The following TJAP1 variants were observed in gnomAD, a reference collection of about 807,000 sequenced individuals.
The protein encoded by TJAP1 is tight junction associated protein 1.
Under a neutral mutation model 42.0 loss-of-function variants are expected in TJAP1, and 27 were observed. The ratio of observed to expected loss-of-function variants is 0.64; its 90% CI spans 0.47 to 0.89. TJAP1 has a LOEUF of 0.89. Among genes scored for constraint, TJAP1 ranks in the 40% least tolerant of loss-of-function variants. The pLI is 0.00. For missense variants in TJAP1, 712 were observed against 726.9 expected, an observed-to-expected ratio of 0.98 and a Z score of 0.24; for synonymous variants, 257 against 288.4, an observed-to-expected ratio of 0.89 and a Z score of 1.10.
At position 43,505,440 on chromosome 6, in the gene TJAP1, A is replaced by G. The variant is rs1792108554; in HGVS notation, c.1259A>G (p.Asp420Gly). ...GTCAGCTGGCAGCGGGCATTTGTGG[A>G]CCGTACTCCACCACCTGCTGCTGTG... is the stretch of plus-strand genomic sequence containing the variant. The change falls in exon 11 of 11, where the codon GAC (aspartate) becomes GGC (glycine). Residue 420 changes from aspartate (D) to glycine (G), a missense_variant. Around this residue, in one of 3 missense-constraint regions of TJAP1, gnomAD observed 549 missense variants for 528.2 expected, o/e 1.04. Coordinates refer to ENST00000372449, the Ensembl canonical transcript of TJAP1. This position sits in a 1 kb window ranked among gnomAD's most constrained non-coding sequence, Gnocchi z 5.5. 2 of 1,613,010 alleles carry G rather than the reference A, an allele frequency of 1.2e-6. No homozygotes were observed. The highest frequency in any genetic ancestry group is 1.7e-5 in the Admixed American group (1 of 60,000).
At chr6:43,499,910 C>T (rs185405973) in intron 4 of TJAP1, among the ~76,000 whole-genome samples, 78 of 152,306 alleles carry the variant, frequency 5.1e-4, no homozygotes, top group African/African-American at 1.8e-3. Context: ...TGCTACCCAG[C>T]GAGCATTACC....
chr6:43,486,185 G>C (rs1464752110), intron 2 of TJAP1, among the ~76,000 whole-genome samples: 1 of 151,800 alleles, frequency 6.6e-6, no homozygotes, highest in Non-Finnish European at 1.5e-5. Flanking sequence ...GGCTAGTCTG[G>C]AACTCCTGAC....
At chr6:43,494,411 T>G (rs1582008811) in intron 2 of TJAP1, among the ~76,000 whole-genome samples, 2 of 152,150 alleles carry the variant, frequency 1.3e-5, no homozygotes, top group East Asian at 3.9e-4. Context: ...GCTGCTACTC[T>G]GGGTGTCTCC....
chr6:43,505,244 C>T lies in TJAP1; in HGVS notation c.1063C>T (p.Arg355Cys), dbSNP rs200438172. The T allele has an allele frequency of 2.2e-5, 36 of 1,614,058 alleles. No individual in the cohort carries two copies. Among genetic ancestry groups the T allele is most frequent in the Admixed American group, 1.3e-4 (8 of 60,026 alleles). ...CCTGCCCAACTGCACTTACGCTACC[C>T]GCCAGGCCATTTCCCTGAGCCTGGT... The change falls in exon 11 of 11, where the codon CGC (arginine) becomes TGC (cysteine). Residue 355 changes from arginine (R) to cysteine (C), a missense_variant. This residue lies in a region of TJAP1 where 549 missense variants were observed against 528.2 expected (regional missense o/e 1.04). Transcript: ENST00000372449. This position sits in a 1 kb window ranked among gnomAD's most constrained non-coding sequence, Gnocchi z 5.5.
At chr6:43,500,487 T>G in intron 4 of TJAP1, 2 of 510,208 alleles carry the variant, frequency 3.9e-6, no homozygotes, top group Non-Finnish European at 7.1e-6. Flanking sequence ...AGGACTTATT[T>G]GAAAATGGCT....
intron 5 of TJAP1, 189 bp from the exon 6 acceptor site, chr6:43,501,337 C>G (rs1790466680): frequency 1.7e-6 from 1 of 594,802 alleles, no homozygotes; most frequent in Non-Finnish European, 3.0e-6. Context: ...CCAACCCAGG[C>G]TGTGTTCCCA....
At chr6:43,502,518 TCA>T in intron 7 of TJAP1, 68 bp from the exon 8 acceptor site, 1 of 1,537,174 alleles carries the variant, frequency 6.5e-7, no homozygotes, top group African/African-American at 1.4e-5. Context: ...GTCTTAATGC[TCA>T]CACTGTTTCT....
chr6:43,503,117 G>A, intron 8 of TJAP1: 1 of 500,028 alleles, frequency 2.0e-6, no homozygotes, highest in Non-Finnish European at 3.6e-6. Context: ...CTTGCCTGGT[G>A]CCCAGAGCCC....
intron 5 of TJAP1, 27 bp from the exon 6 acceptor site, chr6:43,501,499 G>A (rs1037852920): frequency 1.2e-6 from 2 of 1,605,492 alleles, no homozygotes; most frequent in Non-Finnish European, 1.7e-6. Flanking sequence ...ATACCCCTCT[G>A]CCCTTGATCC....
At chr6:43,481,621 C>T (rs1028286911) in intron 2 of TJAP1, among the ~76,000 whole-genome samples, 5 of 151,076 alleles carry the variant, frequency 3.3e-5, no homozygotes, top group African/African-American at 7.3e-5. Flanking sequence ...TAAATAGCTT[C>T]GTCCCCTCAG....
At chr6:43,503,010 T>C in intron 8 of TJAP1, 1 of 451,270 alleles carries the variant, frequency 2.2e-6, no homozygotes, top group South Asian at 2.3e-5. Flanking sequence ...GCGCCCTGCT[T>C]CCTCTTCCCT....
chr6:43,498,765 C>T (rs1033875579), intron 3 of TJAP1, among the ~76,000 whole-genome samples: 10 of 152,288 alleles, frequency 6.6e-5, no homozygotes, highest in East Asian at 1.9e-4. Flanking sequence ...ATCTGTTCCC[C>T]GTTGGACCCA....
Position 43,505,713 on chromosome 6 carries a change from G to T in TJAP1, c.1532G>T (p.Gly511Val), listed in dbSNP as rs1435729541. 3.8e-6 allele frequency: 6 copies of T among 1,582,764 alleles called. No individual in the cohort carries two copies. The highest frequency in any genetic ancestry group is 5.2e-6 in the Non-Finnish European group (6 of 1,162,996). Residue 511 changes from glycine to valine, a missense_variant, in exon 11 of 11, where the codon GGC (glycine) becomes GTC (valine). Coordinates refer to ENST00000372449, the Ensembl canonical transcript of TJAP1. The surrounding 1 kb of genome is among the most constrained non-coding windows in gnomAD (Gnocchi z 5.5). Reference sequence around the variant, plus strand: ...AACAGGGGCACAGAGGAGGGGCCAGGCACTTCCCACACCGAGGGCAGGGCC... The same window carrying T: ...AACAGGGGCACAGAGGAGGGGCCAGTCACTTCCCACACCGAGGGCAGGGCC...
intron 2 of TJAP1, among the ~76,000 whole-genome samples, chr6:43,489,277 C>T (rs144232288): frequency 1.8e-4 from 28 of 152,256 alleles, no homozygotes; most frequent in African/African-American, 6.0e-4. Flanking sequence ...CTCTGTTGCT[C>T]GTGTTGCTTG....
chr6:43,493,173 T>C (rs1788202266), intron 2 of TJAP1, among the ~76,000 whole-genome samples: 1 of 152,218 alleles, frequency 6.6e-6, no homozygotes, highest in African/African-American at 2.4e-5. Context: ...GGTTGAATTA[T>C]GAAGAAGAGC....
chr6:43,498,987 C>A, exon 4 of TJAP1: 1 of 1,613,048 alleles, frequency 6.2e-7, no homozygotes, highest in Non-Finnish European at 8.5e-7. Flanking sequence ...GGCGGAGGAG[C>A]CGTCACCTCC....
In TJAP1 at chr6:43,488,305, T is replaced by G. The variant is rs556896883; in HGVS notation, c.-121-9576T>G. Among the ~76,000 whole-genome samples the G allele has an allele frequency of 1.2e-4, 18 of 152,370 alleles. No individual in the cohort carries two copies. The East Asian group carries it at 3.1e-3, about 26-fold the overall frequency. ...TCCCTGTTGGAGCCGCTGAGGAGCC[T>G]GGTTACAGCCTCCTTCCCAGTCGAG... On this transcript the variant is annotated intron_variant, in intron 2 of 10. Transcript: ENST00000372449.
intron 2 of TJAP1, among the ~76,000 whole-genome samples, chr6:43,496,493 G>A (rs1038445673): frequency 6.6e-6 from 1 of 152,214 alleles, no homozygotes; most frequent in African/African-American, 2.4e-5. Flanking sequence ...GTGGGGACAC[G>A]TTCTGCCTCC....
chr6:43,502,696 G>A (rs2127635780), intron 8 of TJAP1, 79 bp downstream of exon 8: 1 of 1,472,988 alleles, frequency 6.8e-7, no homozygotes, highest in Non-Finnish European at 9.3e-7. Flanking sequence ...GGCCCTGGCT[G>A]TTACCCTGTG....
Sources: gnomAD v4.1 joint callset for allele counts (sites outside exome capture counted in the v4.1 genomes callset) on GRCh38, gnomAD v4.1.1 for gene constraint, gnomAD v4.1.1 regional missense constraint, Gnocchi (gnomAD v3.1) non-coding constraint, MANE v1.5 for transcripts, NCBI Gene and HGNC (gene_info 2026-07-23, HGNC 2026-07-21) for gene names.